Variants in UNC5D observed in about 807,000 individuals in gnomAD.
UNC5D encodes the protein netrin receptor UNC5D.
In UNC5D, 39 loss-of-function variants were observed where a neutral mutation model predicts 105.4. The observed-to-expected ratio is 0.37, with a 90% CI of 0.29 to 0.48. UNC5D has a LOEUF of 0.48. UNC5D is among the 20% of genes least tolerant of loss of function. The probability of loss-of-function intolerance (pLI) is 0.98; values close to 1 mark genes in which losing one functional copy is unlikely to be tolerated. For missense variants in UNC5D, 991 were observed against 1,202.4 expected, an observed-to-expected ratio of 0.82 and a Z score of 2.60; for synonymous variants, 452 against 450.4, an observed-to-expected ratio of 1.00 and a Z score of -0.04.
At chr8:35,247,588 AAT>A (rs1263525743) in intron 1 of UNC5D, among the ~76,000 whole-genome samples, 6 of 104,298 alleles carry the variant, frequency 5.8e-5, no homozygotes, top group African/African-American at 1.5e-4. Context: ...AAATATATAA[AAT>A]ATATATAATA....
intron 3 of UNC5D, among the ~76,000 whole-genome samples, chr8:35,573,420 A>G (rs1158379685): frequency 6.6e-6 from 1 of 151,954 alleles, no homozygotes; most frequent in Non-Finnish European, 1.5e-5. Flanking sequence ...TAGCCACTGC[A>G]CTCCAGCCTG....
At chr8:35,326,317 A>G (rs897351692) in intron 1 of UNC5D, among the ~76,000 whole-genome samples, 1 of 152,234 alleles carries the variant, frequency 6.6e-6, no homozygotes, top group African/African-American at 2.4e-5. Context: ...GCACAGGGAA[A>G]TTGAAAACAG....
At chr8:35,599,917 G>C (rs996260611) in intron 4 of UNC5D, among the ~76,000 whole-genome samples, 4 of 151,986 alleles carry the variant, frequency 2.6e-5, no homozygotes, top group African/African-American at 9.7e-5. Context: ...TCGTCATTTA[G>C]CATTAGGTAT....
intron 1 of UNC5D, among the ~76,000 whole-genome samples, chr8:35,532,073 A>T: frequency 7.0e-6 from 1 of 142,786 alleles, no homozygotes; most frequent in Non-Finnish European, 1.5e-5. Flanking sequence ...TTATGTGTGA[A>T]TTTGATCTTG....
chr8:35,658,399 C>T (rs1387893549), intron 4 of UNC5D, among the ~76,000 whole-genome samples: 2 of 152,040 alleles, frequency 1.3e-5, no homozygotes, highest in African/African-American at 4.8e-5. Context: ...TGTATTGCAC[C>T]ATCTTTGAAG....
intron 1 of UNC5D, among the ~76,000 whole-genome samples, chr8:35,407,619 C>A (rs1470130733): frequency 6.6e-6 from 1 of 151,964 alleles, no homozygotes; most frequent in Non-Finnish European, 1.5e-5. Flanking sequence ...GTTTGTTGTA[C>A]AGATTATTTC....
chr8:35,525,522 G>C (rs986167618), intron 1 of UNC5D: 214 of 1,612,210 alleles, frequency 1.3e-4, no homozygotes, highest in Non-Finnish European at 1.8e-4. Context: ...AACATTGAGT[G>C]AAGCTAGGGG....
intron 8 of UNC5D, among the ~76,000 whole-genome samples, chr8:35,715,551 A>C (rs879354603): frequency 1.3e-5 from 2 of 152,228 alleles, no homozygotes; most frequent in Admixed American, 1.3e-4. Flanking sequence ...AATGTTAAAA[A>C]ATGCTTGAAG....
chr8:35,270,702 A>G (rs536726495), intron 1 of UNC5D, among the ~76,000 whole-genome samples: 23 of 152,322 alleles, frequency 1.5e-4, no homozygotes, highest in African/African-American at 4.3e-4. Context: ...TCTAAGACAC[A>G]GCATCACTGC....
chr8:35,493,633 T>C (rs1024929192), intron 1 of UNC5D, among the ~76,000 whole-genome samples: 5 of 152,172 alleles, frequency 3.3e-5, no homozygotes, highest in Admixed American at 6.5e-5. Flanking sequence ...ATGGAATTAA[T>C]GAAAAAGAGT....
At chr8:35,496,850 C>A (rs369673195) in intron 1 of UNC5D, among the ~76,000 whole-genome samples, 2 of 152,150 alleles carry the variant, frequency 1.3e-5, no homozygotes, top group African/African-American at 4.8e-5. Flanking sequence ...CTGGACATTT[C>A]ATATAAATGG....
At chr8:35,642,626 C>T (rs148253463) in intron 4 of UNC5D, among the ~76,000 whole-genome samples, 1,765 of 152,158 alleles carry the variant, frequency 0.012, 21 homozygotes, top group Non-Finnish European at 0.02. Flanking sequence ...GCAGCCTACC[C>T]ATCAAATCAA....
intron 8 of UNC5D, among the ~76,000 whole-genome samples, chr8:35,721,821 T>C (rs1828597922): frequency 6.6e-6 from 1 of 152,236 alleles, no homozygotes; most frequent in Admixed American, 6.5e-5. Flanking sequence ...ACCCATATTT[T>C]ATCACTGTGT....
At chr8:35,584,155 G>GA (rs1469963903) in intron 3 of UNC5D, among the ~76,000 whole-genome samples, 1 of 152,126 alleles carries the variant, frequency 6.6e-6, no homozygotes, top group African/African-American at 2.4e-5. Flanking sequence ...TCCTGAAAGA[G>GA]AATCAGCAGT....
intron 1 of UNC5D, among the ~76,000 whole-genome samples, chr8:35,408,014 C>G (rs1426634717): frequency 6.6e-6 from 1 of 152,050 alleles, no homozygotes; most frequent in East Asian, 1.9e-4. Flanking sequence ...TGAACATACA[C>G]ATGCATGTTT....
chr8:35,454,577 T>C (rs1256998953), intron 1 of UNC5D, among the ~76,000 whole-genome samples: 1 of 152,138 alleles, frequency 6.6e-6, no homozygotes, highest in African/African-American at 2.4e-5. Context: ...TATTAAAAAA[T>C]TCTAATCTTC....
intron 1 of UNC5D, among the ~76,000 whole-genome samples, chr8:35,469,100 A>G (rs1227954760): frequency 6.6e-6 from 1 of 152,216 alleles, no homozygotes; most frequent in Admixed American, 6.5e-5. Context: ...ATATAACAGG[A>G]GGCATCAACC....
intron 16 of UNC5D, among the ~76,000 whole-genome samples, chr8:35,784,276 C>G (rs1356755476): frequency 6.6e-6 from 1 of 152,086 alleles, no homozygotes; most frequent in Non-Finnish European, 1.5e-5. Context: ...AATGAACTTA[C>G]ATAGATGAAT....
Position 35,794,931 on chromosome 8 carries a change from G to A in UNC5D, c.*4368G>A, listed in dbSNP as rs1803199078. The A allele has an allele frequency of 6.6e-6, 1 of 152,182 alleles. No homozygotes were observed. Among genetic ancestry groups the A allele is most frequent in the African/African-American group, 2.4e-5 (1 of 41,422 alleles). 9.4% of individuals were successfully genotyped at this position (152,182 alleles called of 1,614,324 possible). A position where few individuals can be genotyped will look rare whatever the true frequency, so the allele number is the denominator to read the frequency against. On this transcript the variant is annotated 3_prime_UTR_variant, in exon 17 of 17. Transcript: ENST00000404895. The stretch of plus-strand genomic sequence containing the variant: ...CTAGTGTGTAGTACCGTGATCTGAA[G>A]TAGGAAATTTAACTGACATAGAATA...
Sources: gnomAD v4.1 joint callset for allele counts (sites outside exome capture counted in the v4.1 genomes callset) on GRCh38, gnomAD v4.1.1 for gene constraint, MANE v1.5 for transcripts, NCBI Gene and HGNC (gene_info 2026-07-23, HGNC 2026-07-21) for gene names.